TRAF7: variants seen among roughly 807,000 people sequenced by gnomAD.
The protein encoded by TRAF7 is E3 ubiquitin-protein ligase TRAF7.
TRAF7 carries 45 observed loss-of-function variants against 89.3 expected under a neutral mutation model. The ratio of observed to expected loss-of-function variants is 0.50; its 90% CI spans 0.40 to 0.65. The LOEUF is 0.65. TRAF7 is among the 30% of genes least tolerant of loss of function. The pLI is 0.00. For missense variants in TRAF7, 677 were observed against 918.1 expected, an observed-to-expected ratio of 0.74 and a Z score of 3.39; for synonymous variants, 406 against 369.2, an observed-to-expected ratio of 1.10 and a Z score of -1.14.
rs909352865 is a variant in TRAF7, at chr16:2,161,022, G to A, written c.-38-2861G>A. Among the ~76,000 whole-genome samples the A allele has an allele frequency of 2.0e-5, 3 of 152,070 alleles. No homozygotes were observed. The highest frequency in any genetic ancestry group is 4.8e-5 in the African/African-American group (2 of 41,412). The stretch of plus-strand genomic sequence containing the variant: ...GGCCTCGGGCATCTTGCTCAATTCC[G>A]AGGTGCGGGGATGGATCCTGCCTTA... On this transcript the variant is annotated intron_variant, in intron 1 of 20. Coordinates refer to ENST00000326181, the MANE Select transcript of TRAF7 (RefSeq NM_032271.3). This position sits in a 1 kb window ranked among gnomAD's most constrained non-coding sequence, Gnocchi z 5.2.
chr16:2,162,335 C>G lies in TRAF7; in HGVS notation c.-38-1548C>G, dbSNP rs898371409. 2.6e-5 allele frequency among the ~76,000 whole-genome samples: 4 copies of G among 151,672 alleles called. No homozygotes were observed. The highest frequency in any genetic ancestry group is 9.6e-5 in the African/African-American group (4 of 41,462). On this transcript the variant is annotated intron_variant, in intron 1 of 20. Coordinates refer to ENST00000326181, the MANE Select transcript of TRAF7 (RefSeq NM_032271.3). The surrounding 1 kb of genome is among the most constrained non-coding windows in gnomAD (Gnocchi z 5.0). ...TGAGAGCCAGCCCCTCCCTGCACACCTGTAGGCCGGGCTGGGGGGCCCCAG... is the reference window on the plus strand; with the variant it reads ...TGAGAGCCAGCCCCTCCCTGCACACGTGTAGGCCGGGCTGGGGGGCCCCAG...
In TRAF7 at chr16:2,175,961, C is replaced by T; in HGVS notation, c.1746+8C>T. 1 of 1,613,108 alleles carries T rather than the reference C, an allele frequency of 6.2e-7. No homozygotes were observed. The highest frequency in any genetic ancestry group is 8.5e-7 in the Non-Finnish European group (1 of 1,179,932). On this transcript the variant is annotated splice_region_variant and intron_variant, in intron 18 of 20. Coordinates refer to ENST00000326181, the MANE Select transcript of TRAF7 (RefSeq NM_032271.3). Reference sequence around the variant, plus strand: ...TACGAGAACCTCATCCACGTAAGGCCTGGGCATCTGGGTGCAAGGCCAGAC... The same window carrying T: ...TACGAGAACCTCATCCACGTAAGGCTTGGGCATCTGGGTGCAAGGCCAGAC...
rs1248147501 is a variant in TRAF7 at position 2,159,863 on chromosome 16, C to T, written c.-39+4005C>T. Among the ~76,000 whole-genome samples, 1 of 152,240 alleles carries T rather than the reference C, an allele frequency of 6.6e-6. No individual in the cohort carries two copies. The highest frequency in any genetic ancestry group is 6.5e-5 in the Admixed American group (1 of 15,294). Reference sequence around the variant, plus strand: ...CCGAGCAGGGAGCTGCATCTGGAAGCCCCCATCTCCCCCACTCAGCAGGGC... The same window carrying T: ...CCGAGCAGGGAGCTGCATCTGGAAGTCCCCATCTCCCCCACTCAGCAGGGC... On this transcript the variant is annotated intron_variant, in intron 1 of 20. Coordinates refer to ENST00000326181, the MANE Select transcript of TRAF7 (RefSeq NM_032271.3). The surrounding 1 kb of genome is among the most constrained non-coding windows in gnomAD (Gnocchi z 6.5).
chr16:2,156,749 A>G (rs994794797), intron 1 of TRAF7, among the ~76,000 whole-genome samples: 1 of 151,590 alleles, frequency 6.6e-6, no homozygotes, highest in African/African-American at 2.4e-5. Context: ...CGGGGGGGTT[A>G]TTATGCTGGC....
At position 2,158,154 on chromosome 16, in the gene TRAF7, G is replaced by A. The variant is rs970973185; in HGVS notation, c.-39+2296G>A. On this transcript the variant is annotated intron_variant, in intron 1 of 20. Transcript: ENST00000326181. The surrounding 1 kb of genome is among the most constrained non-coding windows in gnomAD (Gnocchi z 4.7). ...CGGGGTCAGGGAGGGCATGTGGGGA[G>A]GGCCGAGAGCTGTTGGCTGCGTGTG... is the stretch of plus-strand genomic sequence containing the variant. 3.3e-5 allele frequency among the ~76,000 whole-genome samples: 5 copies of A among 152,188 alleles called. No homozygotes were observed. Among genetic ancestry groups the A allele is most frequent in the Admixed American group, 3.3e-4 (5 of 15,272 alleles).
intron 1 of TRAF7, among the ~76,000 whole-genome samples, chr16:2,156,884 G>C (rs181383582): frequency 2.3e-4 from 35 of 152,324 alleles, no homozygotes; most frequent in African/African-American, 8.2e-4. Context: ...AGGGAGGCTA[G>C]GCCATCGTCT....
intron 4 of TRAF7, 78 bp from the exon 5 acceptor site, chr16:2,170,536 C>A: frequency 1.8e-6 from 2 of 1,138,904 alleles, no homozygotes; most frequent in Middle Eastern, 2.3e-4. Context: ...CTCGCGCTTC[C>A]GCCGGGCTGG....
intron 11 of TRAF7, 115 bp from the exon 12 acceptor site, chr16:2,173,672 CA>C: frequency 6.4e-7 from 1 of 1,568,524 alleles, no homozygotes; most frequent in Non-Finnish European, 8.7e-7. Context: ...TTGTGTGTGG[CA>C]GGGGCTGCTG....
intron 14 of TRAF7, among the ~76,000 whole-genome samples, 184 bp from the exon 15 acceptor site, chr16:2,174,927 G>A (rs895904858): frequency 5.9e-5 from 9 of 152,204 alleles, no homozygotes; most frequent in Admixed American, 5.9e-4. Flanking sequence ...GGGCTGGCCC[G>A]CCCCTTCCAA....
rs73498159 is a variant in TRAF7, at chr16:2,164,128, G to A, written c.81+127G>A. 5.9e-5 allele frequency: 44 copies of A among 750,344 alleles called. No individual in the cohort carries two copies. The African/African-American group carries it at 7.1e-4, about 12-fold the overall frequency. 46.5% of individuals were successfully genotyped at this position (750,344 alleles called of 1,614,324 possible). On this transcript the variant is annotated intron_variant, in intron 2 of 20. Coordinates refer to ENST00000326181, the MANE Select transcript of TRAF7 (RefSeq NM_032271.3). ...GCTGGGGTCTCAGGGGAGCTCGGTGGGGGGGGGTGTGGTGTGTGTGTGTGT... is the reference window on the plus strand; with the variant it reads ...GCTGGGGTCTCAGGGGAGCTCGGTGAGGGGGGGTGTGGTGTGTGTGTGTGT...
rs981979069 is a variant in TRAF7, at chr16:2,159,236, G to A, written c.-39+3378G>A. Among the ~76,000 whole-genome samples, 7 of 152,218 alleles carry A rather than the reference G, an allele frequency of 4.6e-5. No homozygotes were observed. The highest frequency in any genetic ancestry group is 9.6e-5 in the African/African-American group (4 of 41,518). On this transcript the variant is annotated intron_variant, in intron 1 of 20. Coordinates refer to ENST00000326181, the MANE Select transcript of TRAF7 (RefSeq NM_032271.3). This position sits in a 1 kb window ranked among gnomAD's most constrained non-coding sequence, Gnocchi z 6.5. ...CAGTAGGAGCAGAGCTGGGGGAGGAGTTCAGAGGCCTCTGCAGAGCTGGGG... is the reference window on the plus strand; with the variant it reads ...CAGTAGGAGCAGAGCTGGGGGAGGAATTCAGAGGCCTCTGCAGAGCTGGGG...
In TRAF7 at chr16:2,176,791, C is replaced by T. The variant is rs896675606; in HGVS notation, c.*217C>T. The T allele has an allele frequency of 3.1e-5, 21 of 684,764 alleles. No homozygotes were observed. The highest frequency in any genetic ancestry group is 4.0e-4 in the Middle Eastern group (1 of 2,522). The allele number at this position is 684,764 out of a possible 1,614,324, so 42.4% of individuals were successfully genotyped here. A position where few individuals can be genotyped will look rare whatever the true frequency, so the allele number is the denominator to read the frequency against. On this transcript the variant is annotated 3_prime_UTR_variant, in exon 21 of 21. Transcript: ENST00000326181. Reference sequence around the variant, plus strand: ...CCAGCCCCTCTCTGGGTGCCAGGTACGACGCTTGCCCCGGCCCACCCTCCA... The same window carrying T: ...CCAGCCCCTCTCTGGGTGCCAGGTATGACGCTTGCCCCGGCCCACCCTCCA...
intron 14 of TRAF7, 48 bp from the exon 15 acceptor site, chr16:2,175,063 C>T: frequency 6.2e-7 from 1 of 1,612,680 alleles, no homozygotes; most frequent in Non-Finnish European, 8.5e-7. Flanking sequence ...GCGGTGTCAG[C>T]ATGGACACAG....
Position 2,176,615 on chromosome 16 carries a change from T to G in TRAF7, c.*41T>G. 1 of 1,613,166 alleles carries G rather than the reference T, an allele frequency of 6.2e-7. No individual in the cohort carries two copies. The highest frequency in any genetic ancestry group is 1.1e-5 in the South Asian group (1 of 91,066). ...GCTGTGGTTTCCCCTGAACCAGCCC[T>G]GGACCTTTCTGAGCCAGGCTGGCCA... On this transcript the variant is annotated 3_prime_UTR_variant, in exon 21 of 21. Transcript: ENST00000326181.
At chr16:2,174,165 C>T (rs1411612936) in intron 13 of TRAF7, 86 bp from the exon 14 acceptor site, 23 of 1,592,094 alleles carry the variant, frequency 1.4e-5, no homozygotes, top group Admixed American at 5.1e-5. Flanking sequence ...CTCCCATGGG[C>T]GGGGCTCCCT....
In TRAF7 at chr16:2,163,915, T is replaced by C; in HGVS notation, c.-6T>C. 6.2e-7 allele frequency: 1 copy of C among 1,611,904 alleles called. No individual in the cohort carries two copies. Among genetic ancestry groups the C allele is most frequent in the African/African-American group, 1.3e-5 (1 of 75,006 alleles). On this transcript the variant is annotated 5_prime_UTR_variant, in exon 2 of 21. The change abolishes the stop of an existing upstream ORF in the 5' untranslated region. Coordinates refer to ENST00000326181, the MANE Select transcript of TRAF7 (RefSeq NM_032271.3). The surrounding 1 kb of genome is among the most constrained non-coding windows in gnomAD (Gnocchi z 4.3). ...TTCCCAAGGACCGTAGATGCCTCTC[T>C]AGAGCATGAGCTCAGGCAAGAGTGC...
chr16:2,174,071 C>A, intron 13 of TRAF7, 23 bp downstream of exon 13: 1 of 1,611,456 alleles, frequency 6.2e-7, no homozygotes. Flanking sequence ...CTACCTCAGT[C>A]TCTGCAGCCT....
At chr16:2,155,985 G>T (rs1375625541) in intron 1 of TRAF7, 127 bp downstream of exon 1, 2 of 150,596 alleles carry the variant, frequency 1.3e-5, no homozygotes, top group African/African-American at 2.4e-5. Flanking sequence ...GGCGGGGAGG[G>T]GGGGGCGGGG....
chr16:2,173,577 G>C, intron 11 of TRAF7, 23 bp downstream of exon 11: 1 of 1,610,006 alleles, frequency 6.2e-7, no homozygotes, highest in Admixed American at 1.7e-5. Context: ...GGCTGGAGGG[G>C]CTGGGTTGTG....
Sources: allele counts gnomAD v4.1 joint callset (sites outside exome capture counted in the v4.1 genomes callset), GRCh38; gene constraint gnomAD v4.1.1; non-coding constraint Gnocchi (gnomAD v3.1); transcripts MANE v1.5; gene names NCBI Gene and HGNC (gene_info 2026-07-23, HGNC 2026-07-21).